The following TNS2 variants were observed in gnomAD, a reference collection of about 807,000 sequenced individuals.
TNS2 encodes tensin 2, also known as tensin-2.
In TNS2, 77 loss-of-function variants were observed where a neutral mutation model predicts 155.7. That is an observed-to-expected ratio of 0.49 (90% confidence interval 0.41 to 0.60). TNS2 has a LOEUF of 0.60. TNS2 is among the 20% of genes least tolerant of loss of function. The probability of loss-of-function intolerance (pLI) is 0.00; values close to 1 mark genes in which losing one functional copy is unlikely to be tolerated. For missense variants in TNS2, 1,703 were observed against 1,868.8 expected, an observed-to-expected ratio of 0.91 and a Z score of 1.64; for synonymous variants, 726 against 763.9, an observed-to-expected ratio of 0.95 and a Z score of 0.82.
At chr12:53,047,908 C>T (rs1943784570), upstream of TNS2, among the ~76,000 whole-genome samples, 1 of 152,162 alleles carries the variant, frequency 6.6e-6, no homozygotes, top group African/African-American at 2.4e-5. Context: ...CCTTACCCCT[C>T]CTCCGCGGCG....
intron 15 of TNS2, 39 bp downstream of exon 15, chr12:53,058,484 TGGC>T: frequency 2.0e-6 from 1 of 488,362 alleles, no homozygotes; most frequent in South Asian, 7.5e-5. Flanking sequence ...GGAGTCCAGG[TGGC>T]AGGCAGGTGG....
At chr12:53,052,136 C>T in intron 2 of TNS2, 173 bp downstream of exon 2, 2 of 621,858 alleles carry the variant, frequency 3.2e-6, no homozygotes, top group Non-Finnish European at 5.6e-6. Flanking sequence ...CTCCCCATGA[C>T]AGACACCTCC....
chr12:53,059,113 G>A lies in TNS2; in HGVS notation c.1472G>A (p.Arg491Gln), dbSNP rs375838684. 38 of 1,551,730 alleles carry A rather than the reference G, an allele frequency of 2.4e-5. No individual in the cohort carries two copies. The highest frequency in any genetic ancestry group is 3.5e-4 in the Middle Eastern group (2 of 5,776). Residue 491 changes from arginine to glutamine, a missense_variant, in exon 18 of 29, where the codon CGG (arginine) becomes CAG (glutamine). Coordinates refer to ENST00000314250, the MANE Select transcript of TNS2 (RefSeq NM_170754.4). This position sits in a 1 kb window ranked among gnomAD's most constrained non-coding sequence, Gnocchi z 4.7. ...TATGCCCAGGTGCAGCGGCCTCCCC[G>A]GCAGACCCCCCCGGCACCCTCTCCA... ...SPYAQVQRPP[R>Q]QTPPAPSPEP...
chr12:53,058,976 C>G, intron 17 of TNS2, 71 bp from the exon 18 acceptor site: 1 of 1,539,732 alleles, frequency 6.5e-7, no homozygotes, highest in Non-Finnish European at 8.7e-7. Flanking sequence ...GTGCCATCCC[C>G]TCTCATGAAT....
rs149729987 is a variant in TNS2, at chr12:53,061,914, C to T, written c.3548C>T (p.Pro1183Leu). 59 of 1,613,150 alleles carry T rather than the reference C, an allele frequency of 3.7e-5. No individual in the cohort carries two copies. In the African/African-American group the frequency reaches 5.3e-4, roughly 15 times the overall value. The change falls in exon 22 of 29, where the codon CCG becomes CTG. Residue 1183 changes from proline (P) to leucine (L), a missense_variant. Coordinates refer to ENST00000314250, the MANE Select transcript of TNS2 (RefSeq NM_170754.4). The stretch of plus-strand genomic sequence containing the variant: ...GGGCTGGCCCTCAAGGTGGCCACAC[C>T]GCCACCCAGTGCCCAGCCCTGGAAA... ...AYGLALKVAT[P>L]PPSAQPWKGD...
At position 53,054,432 on chromosome 12, in the gene TNS2, C is replaced by T. The variant is rs1215909347; in HGVS notation, c.513C>T (p.Asp171=). The T allele has an allele frequency of 2.5e-6, 4 of 1,602,718 alleles. No individual in the cohort carries two copies. The African/African-American group carries it at 5.4e-5, about 22-fold the overall frequency. Residue 171 remains aspartate, a synonymous_variant, in exon 7 of 29, where the codon GAC becomes GAT. Transcript: ENST00000314250. ...ATGTGCTGCAATCCAAGCACCGGGACAAGTACCTGGTGAGGGGCGGGGCCA... is the reference window on the plus strand; with the variant it reads ...ATGTGCTGCAATCCAAGCACCGGGATAAGTACCTGGTGAGGGGCGGGGCCA... ...LAHVLQSKHR[D]KYLLFNLSEK...
At chr12:53,049,969 A>G, upstream of TNS2, 1 of 986,314 alleles carries the variant, frequency 1.0e-6, no homozygotes, top group Non-Finnish European at 1.4e-6. Flanking sequence ...GGCCTCCCCC[A>G]CATCCTCCCC....
Position 53,060,163 on chromosome 12 carries a change from C to T in TNS2, c.2522C>T (p.Ser841Phe), listed in dbSNP as rs1484739605. ...CCGGGCAGCCCGCCCTATCCACAATCTAGGAAGCTGAGCTACGAGATCCCT... is the reference window on the plus strand; with the variant it reads ...CCGGGCAGCCCGCCCTATCCACAATTTAGGAAGCTGAGCTACGAGATCCCT... ...ISPGSPPYPQ[S>F]RKLSYEIPTE... Residue 841 changes from serine (S) to phenylalanine (F), a missense_variant, in exon 18 of 29, where the codon TCT becomes TTT. Transcript: ENST00000314250. The surrounding 1 kb of genome is among the most constrained non-coding windows in gnomAD (Gnocchi z 6.1). 1 of 1,607,740 alleles carries T rather than the reference C, an allele frequency of 6.2e-7. No individual in the cohort carries two copies. The highest frequency in any genetic ancestry group is 1.3e-5 in the African/African-American group (1 of 74,848).
rs745441242 is a variant in TNS2 at position 53,059,575 on chromosome 12, G to A, written c.1934G>A (p.Arg645Gln). 14 of 1,601,924 alleles carry A rather than the reference G, an allele frequency of 8.7e-6. No individual in the cohort carries two copies. Among genetic ancestry groups the A allele is most frequent in the African/African-American group, 4.0e-5 (3 of 74,338 alleles). ...TCGATGGAGAAGAGGCGCCTCTGCC[G>A]ATCGCTGTCAGAGGGGCTATACCCC... is the stretch of plus-strand genomic sequence containing the variant. ...EASMEKRRLC[R>Q]SLSEGLYPYP... The change falls in exon 18 of 29, where the codon CGA becomes CAA. Residue 645 changes from arginine (R) to glutamine (Q), a missense_variant. Physicochemically the swap from Arg to Gln is conservative, Grantham distance 43 (BLOSUM62 1). Coordinates refer to ENST00000314250, the MANE Select transcript of TNS2 (RefSeq NM_170754.4). The surrounding 1 kb of genome is among the most constrained non-coding windows in gnomAD (Gnocchi z 4.7).
Position 53,059,954 on chromosome 12 carries a change from C to T in TNS2, c.2313C>T (p.Thr771=). The part of the protein sequence containing the change: ...GEEGHEGCSY[T]MCPEGRYGHP... ...AAGGGCACGAGGGCTGCTCCTACAC[C>T]ATGTGCCCCGAAGGCAGGTATGGGC... The change falls in exon 18 of 29, where the codon ACC becomes ACT. Residue 771 remains threonine (T), a synonymous_variant. Coordinates refer to ENST00000314250, the MANE Select transcript of TNS2 (RefSeq NM_170754.4). This position sits in a 1 kb window ranked among gnomAD's most constrained non-coding sequence, Gnocchi z 4.7. 17 of 1,612,706 alleles carry T rather than the reference C, an allele frequency of 1.1e-5. No homozygotes were observed. The highest frequency in any genetic ancestry group is 1.4e-5 in the Non-Finnish European group (17 of 1,179,622).
At chr12:53,053,163 C>T (rs1944002146) in intron 3 of TNS2, 4 of 534,040 alleles carry the variant, frequency 7.5e-6, no homozygotes, top group Non-Finnish European at 1.3e-5. Context: ...TCCTGCCCTA[C>T]AGCTGGATGA....
chr12:53,054,384 G>T lies in TNS2; in HGVS notation c.465G>T (p.Arg155=). 6.2e-7 allele frequency: 1 copy of T among 1,611,230 alleles called. No homozygotes were observed. Among genetic ancestry groups the T allele is most frequent in the Non-Finnish European group, 8.5e-7 (1 of 1,179,424 alleles). ...CGCGGCCCGATGAACAGCGGCACCGGGGCCACCTGCGCGAGCTGGCCCATG... is the reference window on the plus strand; with the variant it reads ...CGCGGCCCGATGAACAGCGGCACCGTGGCCACCTGCGCGAGCTGGCCCATG... ...FPARPDEQRH[R]GHLRELAHVL... The change falls in exon 7 of 29, where the codon CGG becomes CGT. Residue 155 remains arginine, a synonymous_variant. Transcript: ENST00000314250.
rs773893981 is a variant in TNS2 at position 53,063,622 on chromosome 12, C to A, written c.4091+30C>A. ...GCCTCCCCACGAATTCAGCCTCTTC[C>A]TTCCAAGGGACCAGGGCGCTGCTGT... On this transcript the variant is annotated intron_variant, in intron 28 of 28. Coordinates refer to ENST00000314250, the MANE Select transcript of TNS2 (RefSeq NM_170754.4). The surrounding 1 kb of genome is among the most constrained non-coding windows in gnomAD (Gnocchi z 5.6). The A allele has an allele frequency of 1.7e-5, 27 of 1,614,092 alleles. No homozygotes were observed. In the South Asian group the frequency reaches 2.7e-4, roughly 16 times the overall value.
Position 53,051,898 on chromosome 12 carries a change from G to A in TNS2, c.119G>A (p.Arg40Gln), listed in dbSNP as rs146528669. ...CATAGCTTCCGGGAGAAGGTTTTCC[G>A]GAAGAAACCTCCAGTCTGTGCAGTA... ...EPHSFREKVF[R>Q]KKPPVCAVCK... Residue 40 changes from arginine (R) to glutamine (Q), a missense_variant, in exon 2 of 29, where the codon CGG becomes CAG. By Grantham distance (43) the Arg-to-Gln change is conservative. Transcript: ENST00000314250. 134 of 1,613,612 alleles carry A rather than the reference G, an allele frequency of 8.3e-5. No homozygotes were observed. Among genetic ancestry groups the A allele is most frequent in the African/African-American group, 1.3e-4 (10 of 74,984 alleles).
chr12:53,051,997 C>A, intron 2 of TNS2, 34 bp downstream of exon 2: 1 of 1,529,644 alleles, frequency 6.5e-7, no homozygotes, highest in Non-Finnish European at 9.0e-7. Flanking sequence ...CTGAGACCCT[C>A]CACCCAGTAC....
chr12:53,061,761 C>T (rs1944391329), intron 21 of TNS2, 54 bp from the exon 22 acceptor site: 1 of 1,571,384 alleles, frequency 6.4e-7, no homozygotes, highest in Non-Finnish European at 8.6e-7. Flanking sequence ...GCATGGGGCT[C>T]AGTCCACCCC....
Position 53,055,123 on chromosome 12 carries a change from C to T in TNS2, c.523-63C>T, listed in dbSNP as rs1944099759. ...GAGGAAGATTCTTACTTAGGATCCACCTCCACCTCGTGCCTCATTGCCGGA... is the reference window on the plus strand; with the variant it reads ...GAGGAAGATTCTTACTTAGGATCCATCTCCACCTCGTGCCTCATTGCCGGA... On this transcript the variant is annotated intron_variant, in intron 7 of 28. Coordinates refer to ENST00000314250, the MANE Select transcript of TNS2 (RefSeq NM_170754.4). 2.6e-6 allele frequency: 4 copies of T among 1,565,750 alleles called. No individual in the cohort carries two copies. In the Admixed American group the frequency reaches 6.7e-5, roughly 26 times the overall value.
chr12:53,060,231 G>A lies in TNS2; in HGVS notation c.2590G>A (p.Ala864Thr). 1 of 1,550,644 alleles carries A rather than the reference G, an allele frequency of 6.4e-7. No homozygotes were observed. Among genetic ancestry groups the A allele is most frequent in the Non-Finnish European group, 8.7e-7 (1 of 1,147,464 alleles). The change falls in exon 18 of 29, where the codon GCC becomes ACC. Residue 864 changes from alanine (A) to threonine (T), a missense_variant. Transcript: ENST00000314250. This position sits in a 1 kb window ranked among gnomAD's most constrained non-coding sequence, Gnocchi z 6.1. ...GDRYPLPGHL[A>T]SAGPLASAES... The stretch of plus-strand genomic sequence containing the variant: ...CAGGTACCCATTGCCTGGGCACCTG[G>A]CCTCAGCAGGACCTTTGGCATCTGC...
At chr12:53,054,173 C>A in intron 6 of TNS2, 97 bp from the exon 7 acceptor site, 2 of 1,586,700 alleles carry the variant, frequency 1.3e-6, no homozygotes, top group Non-Finnish European at 1.7e-6. Flanking sequence ...CAGGACCCAG[C>A]AGGCTTCACC....
Sources: allele counts gnomAD v4.1 joint callset (sites outside exome capture counted in the v4.1 genomes callset), GRCh38; gene constraint gnomAD v4.1.1; non-coding constraint Gnocchi (gnomAD v3.1); transcripts MANE v1.5; gene names NCBI Gene and HGNC (gene_info 2026-07-23, HGNC 2026-07-21).